HECA: variants seen among roughly 807,000 people sequenced by gnomAD.
The protein encoded by HECA is headcase protein homolog.
In HECA, 13 loss-of-function variants were observed where a neutral mutation model predicts 37.6. That is an observed-to-expected ratio of 0.35 (90% CI 0.23 to 0.55). The LOEUF (loss-of-function observed/expected upper bound fraction) is 0.55, where lower values mean the gene tolerates loss of function less well. Among genes scored for constraint, HECA ranks in the 20% least tolerant of loss-of-function variants. The pLI is 0.90. For missense variants in HECA, 527 were observed against 701.9 expected (o/e 0.75, Z 2.82); for synonymous variants, 307 against 291.5 (o/e 1.05, Z -0.54).
At chr6:139,151,081 C>T (rs1774644275) in intron 1 of HECA, 1 of 152,090 alleles carries the variant, frequency 6.6e-6, no homozygotes, top group Admixed American at 6.5e-5. Flanking sequence ...TATAACTTGC[C>T]TGTTGGTTGC....
intron 1 of HECA, among the ~76,000 whole-genome samples, chr6:139,153,483 C>T (rs1363567856): frequency 4.0e-5 from 6 of 150,756 alleles, no homozygotes; most frequent in Non-Finnish European, 7.4e-5. Flanking sequence ...AGTGCAGTGG[C>T]GCGATCTCGG....
At chr6:139,136,261 C>A (rs1465448983) in intron 1 of HECA, among the ~76,000 whole-genome samples, 2 of 95,602 alleles carry the variant, frequency 2.1e-5, no homozygotes, top group African/African-American at 8.7e-5. Context: ...GTTCTCAGCC[C>A]GGAGTTAAAA....
At chr6:139,167,509 A>G (rs1257203318) in intron 2 of HECA, among the ~76,000 whole-genome samples, 185 bp downstream of exon 2, 4 of 152,218 alleles carry the variant, frequency 2.6e-5, no homozygotes, top group African/African-American at 9.6e-5. Context: ...CTGATGTCAC[A>G]GTACCAAGTA....
chr6:139,164,078 A>ACTCTCTCTCTCT (rs1334773429), intron 1 of HECA, among the ~76,000 whole-genome samples: 3 of 78,546 alleles, frequency 3.8e-5, no homozygotes, highest in Non-Finnish European at 8.1e-5. Flanking sequence ...ACACACACAC[A>ACTCTCTCTCTCT]CACTCTCTCT....
chr6:139,168,789 C>T (rs902987387), intron 2 of HECA, among the ~76,000 whole-genome samples: 16 of 152,180 alleles, frequency 1.1e-4, no homozygotes, highest in Non-Finnish European at 8.8e-5. Context: ...AGACTTTCAA[C>T]GTCTGAGAAT....
chr6:139,144,299 G>T (rs189052854), intron 1 of HECA: 27 of 152,312 alleles, frequency 1.8e-4, no homozygotes, highest in Admixed American at 1.6e-3. Flanking sequence ...ACCATCAAGG[G>T]CTCACTGTGA....
At chr6:139,157,030 T>C (rs1166692536) in intron 1 of HECA, among the ~76,000 whole-genome samples, 1 of 152,230 alleles carries the variant, frequency 6.6e-6, no homozygotes, top group Non-Finnish European at 1.5e-5. Context: ...GAATGGCTAC[T>C]CCATAGACAG....
intron 1 of HECA, chr6:139,144,392 G>A (rs1204913448): frequency 6.6e-6 from 1 of 152,316 alleles, no homozygotes; most frequent in Non-Finnish European, 1.5e-5. Flanking sequence ...TTTCCTGGAG[G>A]AGGGGACATT....
intron 1 of HECA, among the ~76,000 whole-genome samples, chr6:139,152,641 G>A (rs1199542851): frequency 6.6e-6 from 1 of 152,138 alleles, no homozygotes; most frequent in Non-Finnish European, 1.5e-5. Context: ...AGACAGATAA[G>A]CTTAAGTGAT....
At chr6:139,168,361 G>C (rs1020123671) in intron 2 of HECA, among the ~76,000 whole-genome samples, 3 of 151,032 alleles carry the variant, frequency 2.0e-5, no homozygotes, top group Middle Eastern at 6.5e-3. Context: ...TTATTATATA[G>C]TACCATATAG....
At chr6:139,162,928 C>T (rs1043028487) in intron 1 of HECA, among the ~76,000 whole-genome samples, 2 of 152,144 alleles carry the variant, frequency 1.3e-5, no homozygotes, top group Non-Finnish European at 2.9e-5. Context: ...GTCTTCTGTA[C>T]CCTGCCCATG....
At chr6:139,139,250 C>A (rs1774486150) in intron 1 of HECA, among the ~76,000 whole-genome samples, 1 of 152,190 alleles carries the variant, frequency 6.6e-6, no homozygotes, top group Non-Finnish European at 1.5e-5. Context: ...CCTGGCTTCT[C>A]AAATTACTTG....
Position 139,166,495 on chromosome 6 carries a change from G to A in HECA, c.483G>A (p.Gln161=). 6.2e-7 allele frequency: 1 copy of A among 1,614,204 alleles called. No homozygotes were observed. The highest frequency in any genetic ancestry group is 8.5e-7 in the Non-Finnish European group (1 of 1,180,012). The change falls in exon 2 of 4, where the codon CAG becomes CAA. Residue 161 remains glutamine, a synonymous_variant. Transcript: ENST00000367658. Reference sequence around the variant, plus strand: ...GCTGGAACGAGAAGCAATGCCGCCAGAACATGTGGACAAAGAAGGGCTACG... The same window carrying A: ...GCTGGAACGAGAAGCAATGCCGCCAAAACATGTGGACAAAGAAGGGCTACG... ...ARSWNEKQCR[Q]NMWTKKGYDL... is the part of the protein sequence containing the mutation.
intron 1 of HECA, among the ~76,000 whole-genome samples, chr6:139,165,734 G>A (rs1774874406): frequency 6.6e-6 from 1 of 152,144 alleles, no homozygotes; most frequent in African/African-American, 2.4e-5. Flanking sequence ...TAAGAATTGG[G>A]TTAGCGGATT....
intron 1 of HECA, among the ~76,000 whole-genome samples, chr6:139,148,256 TAC>T (rs1774608987): frequency 6.6e-6 from 1 of 152,234 alleles, no homozygotes; most frequent in African/African-American, 2.4e-5. Flanking sequence ...TTAGAAATTT[TAC>T]AGTTTTGTAT....
rs1775069149 is a variant in HECA, at chr6:139,177,591, C to T, written c.*486C>T. ...TCTATCTCAGCCTAGTGTTCTGCAG[C>T]ACACATGGGCAGGCAGTTTACTCAC... On this transcript the variant is annotated 3_prime_UTR_variant, in exon 4 of 4. Transcript: ENST00000367658. This position sits in a 1 kb window ranked among gnomAD's most constrained non-coding sequence, Gnocchi z 4.9. 1 of 152,854 alleles carries T rather than the reference C, an allele frequency of 6.5e-6. No homozygotes were observed. The highest frequency in any genetic ancestry group is 1.5e-5 in the Non-Finnish European group (1 of 68,192). The allele number at this position is 152,854 out of a possible 1,614,324, so 9.5% of individuals were successfully genotyped here. A position where few individuals can be genotyped will look rare whatever the true frequency, so the allele number is the denominator to read the frequency against.
chr6:139,144,782 A>G lies in HECA; in HGVS notation c.271+9115A>G, dbSNP rs75779530. On this transcript the variant is annotated intron_variant, in intron 1 of 3. Coordinates refer to ENST00000367658, the MANE Select transcript of HECA (RefSeq NM_016217.3). ...ATGGACCCTCAATTGTGGTTTTTCA[A>G]TGAAGCAGAGGGCACATGGCACATG... 6.0e-3 allele frequency among the ~76,000 whole-genome samples: 913 copies of G among 152,350 alleles called. 5 individuals are homozygous for G. Among genetic ancestry groups the G allele is most frequent in the Non-Finnish European group, 0.01 (684 of 68,030 alleles).
intron 1 of HECA, among the ~76,000 whole-genome samples, chr6:139,140,498 C>T (rs1189413035): frequency 6.6e-6 from 1 of 152,298 alleles, no homozygotes; most frequent in East Asian, 1.9e-4. Context: ...GTTCATGGTG[C>T]TCTATGCGCA....
At chr6:139,142,051 C>T (rs1774520981) in intron 1 of HECA, among the ~76,000 whole-genome samples, 2 of 151,220 alleles carry the variant, frequency 1.3e-5, no homozygotes, top group Non-Finnish European at 2.9e-5. Context: ...CTCAGCCTCC[C>T]GAGTAGCTGG....
Sources: allele counts gnomAD v4.1 joint callset (sites outside exome capture counted in the v4.1 genomes callset), GRCh38; gene constraint gnomAD v4.1.1; non-coding constraint Gnocchi (gnomAD v3.1); transcripts MANE v1.5; gene names NCBI Gene and HGNC (gene_info 2026-07-23, HGNC 2026-07-21).